HS6ST2: variants seen among roughly 807,000 people sequenced by gnomAD.
HS6ST2 encodes heparan-sulfate 6-O-sulfotransferase 2.
In HS6ST2, 17 loss-of-function variants were observed where a neutral mutation model predicts 33.0. The observed-to-expected ratio is 0.52, with a 90% CI of 0.35 to 0.77. The LOEUF (loss-of-function observed/expected upper bound fraction) is 0.77. HS6ST2 is among the 30% of genes least tolerant of loss of function. HS6ST2 has a pLI of 0.01. For synonymous variants in HS6ST2, 248 were observed against 237.1 expected (o/e 1.05, Z -0.42); for missense variants, 519 against 551.7 (o/e 0.94, Z 0.59).
intron 1 of HS6ST2, 81 bp downstream of exon 1, chrX:132,958,094 C>T (rs1474419615): frequency 1.8e-5 from 17 of 949,417 alleles, no homozygotes; most frequent in Non-Finnish European, 2.3e-5. Flanking sequence ...TTCTCTACCC[C>T]CCGCGGCTGC....
At chrX:132,729,486 T>C (rs1195084041) in intron 2 of HS6ST2, among the ~76,000 whole-genome samples, 1 of 111,148 alleles carries the variant, frequency 9.0e-6, no homozygotes, top group Non-Finnish European at 1.9e-5. Flanking sequence ...AGGGAGTCCG[T>C]AAGGGCCTCT....
At chrX:132,957,473 G>C (rs2067095521) in intron 1 of HS6ST2, 147 bp from the exon 2 acceptor site, 2 of 631,773 alleles carry the variant, frequency 3.2e-6, no homozygotes, top group South Asian at 3.3e-5. Flanking sequence ...CGGCGGCTGC[G>C]GCGGCGGCTC....
intron 2 of HS6ST2, among the ~76,000 whole-genome samples, chrX:132,872,352 T>C (rs1379682669): frequency 8.9e-6 from 1 of 112,036 alleles, no homozygotes; most frequent in Non-Finnish European, 1.9e-5. Flanking sequence ...GAACAGCCTG[T>C]CTCCTATGAG....
chrX:132,741,052 T>C (rs1255755073), intron 2 of HS6ST2, among the ~76,000 whole-genome samples: 3 of 112,039 alleles, frequency 2.7e-5, no homozygotes, highest in Admixed American at 1.9e-4. Context: ...TTACCTACTT[T>C]GGGCATACAA....
chrX:132,709,325 G>A (rs909376178), intron 2 of HS6ST2, among the ~76,000 whole-genome samples: 3 of 112,254 alleles, frequency 2.7e-5, no homozygotes, highest in African/African-American at 9.7e-5. Flanking sequence ...TTTTATGCCC[G>A]AAGTGGGCTA....
intron 2 of HS6ST2, among the ~76,000 whole-genome samples, chrX:132,839,272 G>A (rs1258516043): frequency 1.6e-5 from 1 of 62,795 alleles, no homozygotes; most frequent in Non-Finnish European, 2.9e-5. Flanking sequence ...TGTAGTGTGT[G>A]TATATATATA....
chrX:132,880,536 G>T (rs1331207180), intron 2 of HS6ST2, among the ~76,000 whole-genome samples: 1 of 2,434 alleles, frequency 4.1e-4, no homozygotes, highest in African/African-American at 2.3e-3. Context: ...AAAAAAAAAG[G>T]AAAAAAAAAA....
In HS6ST2 at chrX:132,958,507, G is replaced by T. The variant is rs1403750279; in HGVS notation, c.96C>A (p.Ser32=). 8.4e-7 allele frequency: 1 copy of T among 1,195,345 alleles called. No individual in the cohort carries two copies. The highest frequency in any genetic ancestry group is 1.1e-6 in the Non-Finnish European group (1 of 888,295). Residue 32 remains serine, a synonymous_variant, in exon 1 of 5, where the codon TCC becomes TCA. Coordinates refer to ENST00000370833, the MANE Select transcript of HS6ST2 (RefSeq NM_001394073.1). ...PVRTTCPRRH[S]RVEAELAASR... ...TCGCTGCCAATTCGGCCTCTACTCTGGAATGCCGGCGGGGACAGGTGGTGC... is the reference window on the plus strand; with the variant it reads ...TCGCTGCCAATTCGGCCTCTACTCTTGAATGCCGGCGGGGACAGGTGGTGC...
intron 2 of HS6ST2, among the ~76,000 whole-genome samples, chrX:132,839,272 G>GTGTA (rs1322487756): frequency 1.1e-4 from 7 of 62,784 alleles, no homozygotes; most frequent in African/African-American, 1.7e-4. Context: ...TGTAGTGTGT[G>GTGTA]TATATATATA....
chrX:132,853,073 G>GT (rs2065819534), intron 2 of HS6ST2, among the ~76,000 whole-genome samples: 1 of 112,353 alleles, frequency 8.9e-6, no homozygotes, highest in Non-Finnish European at 1.9e-5. Context: ...TCATTAAACT[G>GT]TTCTACCTGC....
intron 2 of HS6ST2, among the ~76,000 whole-genome samples, chrX:132,932,943 A>G (rs2066790131): frequency 9.4e-6 from 1 of 106,446 alleles, no homozygotes; most frequent in African/African-American, 3.4e-5. Flanking sequence ...TATATTTTCT[A>G]TAATATAATG....
upstream of HS6ST2, among the ~76,000 whole-genome samples, chrX:132,960,070 A>G (rs952099372): frequency 8.9e-6 from 1 of 112,193 alleles, no homozygotes; most frequent in African/African-American, 3.2e-5. Flanking sequence ...CACTCCAGGC[A>G]TCTCCTGTCC....
intron 2 of HS6ST2, among the ~76,000 whole-genome samples, chrX:132,811,039 G>A (rs755570215): frequency 1.8e-5 from 2 of 112,609 alleles, no homozygotes; most frequent in South Asian, 7.4e-4. Context: ...TAGTTTGATG[G>A]AAGAGATGAT....
At chrX:132,728,041 C>A (rs746790935) in intron 2 of HS6ST2, among the ~76,000 whole-genome samples, 1 of 111,966 alleles carries the variant, frequency 8.9e-6, no homozygotes, top group South Asian at 3.8e-4. Flanking sequence ...ATCCATTCAT[C>A]CACTGATGGG....
chrX:132,718,940 T>A (rs1436854407), intron 2 of HS6ST2, among the ~76,000 whole-genome samples: 1 of 110,731 alleles, frequency 9.0e-6, no homozygotes, highest in Non-Finnish European at 1.9e-5. Context: ...ATATTTCTTA[T>A]CTATAGGAAA....
chrX:132,945,403 G>C (rs2066940384), intron 2 of HS6ST2, among the ~76,000 whole-genome samples: 1 of 111,827 alleles, frequency 8.9e-6, no homozygotes, highest in Non-Finnish European at 1.9e-5. Context: ...TTACACTGTT[G>C]CTGGGACTGT....
intron 2 of HS6ST2, among the ~76,000 whole-genome samples, chrX:132,799,862 G>A (rs750647663): frequency 8.9e-6 from 1 of 111,994 alleles, no homozygotes; most frequent in South Asian, 3.8e-4. Context: ...GAGATGCCTA[G>A]TGCACTTCAA....
chrX:132,715,538 C>T (rs148231404), intron 2 of HS6ST2, among the ~76,000 whole-genome samples: 3,673 of 112,487 alleles, frequency 0.033, 72 homozygotes, highest in Non-Finnish European at 0.053. Flanking sequence ...CCCAACTCTT[C>T]CCTGACCCTG....
Position 132,708,525 on chromosome X carries a change from G to A in HS6ST2, c.948-31C>T, listed in dbSNP as rs200675317. 2.0e-5 allele frequency: 23 copies of A among 1,146,408 alleles called. No homozygotes were observed. In the East Asian group the frequency reaches 5.9e-4, roughly 29 times the overall value. The allele number at this position is 1,146,408 out of a possible 1,213,427, so 94.5% of individuals were successfully genotyped here. On this transcript the variant is annotated intron_variant, in intron 2 of 4. Coordinates refer to ENST00000370833, the MANE Select transcript of HS6ST2 (RefSeq NM_001394073.1). ...AAAGGAACAGTAAAACCAGTCGCTA[G>A]CAAGAGCTTGGTAGGAGAGGAGATA...
Sources: gnomAD v4.1 joint callset for allele counts (sites outside exome capture counted in the v4.1 genomes callset) on GRCh38, gnomAD v4.1.1 for gene constraint, MANE v1.5 for transcripts, NCBI Gene and HGNC (gene_info 2026-07-23, HGNC 2026-07-21) for gene names.